The following CCDC178 variants were observed in gnomAD, a reference collection of about 807,000 sequenced individuals.
The protein encoded by CCDC178 is coiled-coil domain-containing protein 178.
In CCDC178, 126 loss-of-function variants were observed where a neutral mutation model predicts 117.4. The observed-to-expected ratio is 1.07, with a 90% CI of 0.93 to 1.24. The LOEUF (loss-of-function observed/expected upper bound fraction) is 1.24. CCDC178 is among the 50% of genes most tolerant of loss of function. The probability of loss-of-function intolerance (pLI) is 0.00; values close to 1 mark genes in which losing one functional copy is unlikely to be tolerated. For missense variants in CCDC178, 1,030 were observed against 986.9 expected, an observed-to-expected ratio of 1.04 and a Z score of -0.59; for synonymous variants, 283 against 313.4, an observed-to-expected ratio of 0.90 and a Z score of 1.02.
chr18:33,160,138 T>G (rs2058444891), intron 20 of CCDC178, among the ~76,000 whole-genome samples: 1 of 152,140 alleles, frequency 6.6e-6, no homozygotes, highest in Non-Finnish European at 1.5e-5. Flanking sequence ...TCTGTACAAT[T>G]GAGTTTCTGC....
intron 18 of CCDC178, among the ~76,000 whole-genome samples, chr18:33,218,131 C>A (rs1346058611): frequency 6.6e-6 from 1 of 151,972 alleles, no homozygotes; most frequent in Non-Finnish European, 1.5e-5. Flanking sequence ...GATATGAGGA[C>A]ACCTCTCTCT....
At chr18:33,419,993 C>T (rs768649939) in intron 2 of CCDC178, among the ~76,000 whole-genome samples, 1 of 151,730 alleles carries the variant, frequency 6.6e-6, no homozygotes, top group African/African-American at 2.4e-5. Context: ...TACATGTACA[C>T]GTATGTTCAT....
At chr18:33,153,940 G>T (rs1475922049) in intron 20 of CCDC178, among the ~76,000 whole-genome samples, 1 of 151,896 alleles carries the variant, frequency 6.6e-6, no homozygotes, top group African/African-American at 2.4e-5. Context: ...TAGATTATCA[G>T]CAATGATTTT....
At chr18:33,439,802 A>G (rs1479415086) in intron 2 of CCDC178, among the ~76,000 whole-genome samples, 160 bp downstream of exon 2, 1 of 152,246 alleles carries the variant, frequency 6.6e-6, no homozygotes, top group Non-Finnish European at 1.5e-5. Context: ...TACCAAGTCA[A>G]TTCACAAATA....
intron 21 of CCDC178, among the ~76,000 whole-genome samples, chr18:33,049,752 C>T (rs1766462444): frequency 6.6e-6 from 1 of 151,980 alleles, no homozygotes; most frequent in South Asian, 2.1e-4. Context: ...TTCTGTTCAC[C>T]CTCAACAGAA....
At chr18:32,938,923 G>A (rs1308211559) in intron 22 of CCDC178, among the ~76,000 whole-genome samples, 3 of 152,046 alleles carry the variant, frequency 2.0e-5, no homozygotes, top group African/African-American at 7.2e-5. Flanking sequence ...TTCAATATTG[G>A]TTTGGTCTGC....
At chr18:33,111,009 T>G (rs2057773539) in intron 20 of CCDC178, among the ~76,000 whole-genome samples, 1 of 151,626 alleles carries the variant, frequency 6.6e-6, no homozygotes. Flanking sequence ...AAATACTGAA[T>G]TTCCAATATA....
intron 11 of CCDC178, among the ~76,000 whole-genome samples, chr18:33,294,975 TATTTTAA>T (rs1216709723): frequency 6.6e-6 from 1 of 152,202 alleles, no homozygotes; most frequent in Non-Finnish European, 1.5e-5. Context: ...TCTCCACTGT[TATTTTAA>T]ATTTCCTCAT....
rs67153629 is a variant in CCDC178, at chr18:33,331,026, C to CTT, written c.879+2146_879+2147dup. Reference sequence around the variant, plus strand: ...CCTGATAAGCTTTACACAAACATTGCTTTTTTTTTTTTTTTTTTTTTTTTT... The same window carrying CTT: ...CCTGATAAGCTTTACACAAACATTGCTTTTTTTTTTTTTTTTTTTTTTTTTTT... On this transcript the variant is annotated intron_variant, in intron 10 of 22. Transcript: ENST00000383096. Among the ~76,000 whole-genome samples the CTT allele has an allele frequency of 5.9e-3, 265 of 45,036 alleles. 56 individuals carry two copies. The highest frequency in any genetic ancestry group is 0.02 in the African/African-American group (157 of 7,838). The allele number at this position is 45,036 out of a possible 152,430, so 29.5% of individuals were successfully genotyped here. A position where few individuals can be genotyped will look rare whatever the true frequency, so the allele number is the denominator to read the frequency against.
At chr18:33,169,979 C>A (rs192354760) in intron 20 of CCDC178, among the ~76,000 whole-genome samples, 2 of 152,220 alleles carry the variant, frequency 1.3e-5, no homozygotes, top group East Asian at 1.9e-4. Context: ...CAGCTGATCT[C>A]TCTTCCTCAA....
intron 21 of CCDC178, among the ~76,000 whole-genome samples, chr18:33,057,600 T>C (rs1190489786): frequency 3.9e-5 from 6 of 152,178 alleles, no homozygotes; most frequent in Non-Finnish European, 8.8e-5. Flanking sequence ...CAAGTGGTTC[T>C]TCTGTCTCAG....
rs183739642 is a variant in CCDC178, at chr18:33,311,271, T to C, written c.1022+12220A>G. On this transcript the variant is annotated intron_variant, in intron 11 of 22. Coordinates refer to ENST00000383096, the MANE Select transcript of CCDC178 (RefSeq NM_001105528.4). ...GTACAAGACAAACAATCCTATTTTA[T>C]GTCTCAGAGCACATCAGACATTAGA... is the stretch of plus-strand genomic sequence containing the variant. Among the ~76,000 whole-genome samples the C allele has an allele frequency of 2.0e-5, 3 of 152,354 alleles. No individual in the cohort carries two copies. In the East Asian group the frequency reaches 5.8e-4, roughly 29 times the overall value.
intron 4 of CCDC178, among the ~76,000 whole-genome samples, chr18:33,394,902 T>C (rs1393978825): frequency 7.1e-6 from 1 of 139,864 alleles, no homozygotes; most frequent in Non-Finnish European, 1.5e-5. Flanking sequence ...TCAGATCTAC[T>C]TTTCCACTGA....
intron 20 of CCDC178, among the ~76,000 whole-genome samples, chr18:33,122,715 T>C (rs1360082117): frequency 2.0e-5 from 3 of 152,184 alleles, no homozygotes; most frequent in African/African-American, 7.2e-5. Context: ...AAGTCTGTTA[T>C]TGACCCAGAG....
intron 15 of CCDC178, among the ~76,000 whole-genome samples, chr18:33,229,771 C>T (rs1388115637): frequency 6.6e-6 from 1 of 152,130 alleles, no homozygotes; most frequent in Non-Finnish European, 1.5e-5. Flanking sequence ...AATGGGACAC[C>T]TCTTTGAATT....
intron 10 of CCDC178, among the ~76,000 whole-genome samples, chr18:33,332,544 A>C (rs184837724): frequency 0.012 from 1,829 of 152,054 alleles, 27 homozygotes; most frequent in Non-Finnish European, 0.02. Flanking sequence ...TTAAAAAAAA[A>C]CCCCACAATT....
At chr18:32,989,222 A>G (rs544066316) in intron 21 of CCDC178, among the ~76,000 whole-genome samples, 1 of 152,368 alleles carries the variant, frequency 6.6e-6, no homozygotes, top group East Asian at 1.9e-4. Flanking sequence ...TGTGGCAAGT[A>G]TTTGTAAAAT....
At chr18:32,954,827 T>C (rs981710541) in intron 22 of CCDC178, among the ~76,000 whole-genome samples, 6 of 152,110 alleles carry the variant, frequency 3.9e-5, no homozygotes, top group Non-Finnish European at 8.8e-5. Context: ...AAAGAATGAA[T>C]GGTGTAAGAC....
intron 11 of CCDC178, among the ~76,000 whole-genome samples, chr18:33,315,397 A>C (rs1019861062): frequency 3.3e-5 from 5 of 152,114 alleles, no homozygotes; most frequent in African/African-American, 4.8e-5. Flanking sequence ...AAGGGCACAG[A>C]CCCTCAAGGA....
Sources: gnomAD v4.1 joint callset for allele counts (sites outside exome capture counted in the v4.1 genomes callset) on GRCh38, gnomAD v4.1.1 for gene constraint, MANE v1.5 for transcripts, NCBI Gene and HGNC (gene_info 2026-07-23, HGNC 2026-07-21) for gene names.